The following CDH2 variants were observed in gnomAD, a reference collection of about 807,000 sequenced individuals.
The protein encoded by CDH2 is cadherin 2.
CDH2 carries 17 observed loss-of-function variants against 92.0 expected under a neutral mutation model. The observed-to-expected ratio is 0.18, with a 90% CI of 0.13 to 0.28. CDH2 has a LOEUF of 0.28. CDH2 is among the 10% of genes least tolerant of loss of function. CDH2 has a pLI of 1.00. For missense variants in CDH2, 862 were observed against 1,133.1 expected, an observed-to-expected ratio of 0.76 and a Z score of 3.44; for synonymous variants, 419 against 415.9, an observed-to-expected ratio of 1.01 and a Z score of -0.09.
At chr18:28,035,883 A>T (rs1192181885) in intron 2 of CDH2, among the ~76,000 whole-genome samples, 1 of 152,126 alleles carries the variant, frequency 6.6e-6, no homozygotes, top group Non-Finnish European at 1.5e-5. Flanking sequence ...CAAGGAAGAC[A>T]CACCTGTATC....
chr18:28,011,352 T>C (rs1345282416), intron 4 of CDH2, among the ~76,000 whole-genome samples: 1 of 152,132 alleles, frequency 6.6e-6, no homozygotes, highest in African/African-American at 2.4e-5. Flanking sequence ...TACACTGCCC[T>C]GGGGATTCTG....
chr18:27,957,322 C>T (rs1262455163), intron 15 of CDH2, among the ~76,000 whole-genome samples: 1 of 152,124 alleles, frequency 6.6e-6, no homozygotes, highest in Non-Finnish European at 1.5e-5. Context: ...AATCATGGCT[C>T]ACTGCAGCCT....
intron 2 of CDH2, among the ~76,000 whole-genome samples, chr18:28,136,785 G>A (rs866981090): frequency 1.5e-4 from 23 of 152,192 alleles, no homozygotes; most frequent in Middle Eastern, 3.4e-3. Context: ...GGAAATACAC[G>A]CTAAGACCAA....
intron 1 of CDH2, among the ~76,000 whole-genome samples, chr18:28,165,195 T>A (rs539488466): frequency 6.6e-6 from 1 of 152,322 alleles, no homozygotes; most frequent in East Asian, 1.9e-4. Context: ...ATTATTACTA[T>A]TATTAGAGAC....
Position 28,105,736 on chromosome 18 carries a change from C to T in CDH2, c.172+41937G>A, listed in dbSNP as rs148606002. Among the ~76,000 whole-genome samples, 1,390 of 152,266 alleles carry T rather than the reference C, an allele frequency of 9.1e-3. 20 individuals carry two copies. Among genetic ancestry groups the T allele is most frequent in the Non-Finnish European group, 0.014 (921 of 68,026 alleles). On this transcript the variant is annotated intron_variant, in intron 2 of 15. Coordinates refer to ENST00000269141, the MANE Select transcript of CDH2 (RefSeq NM_001792.5). ...TCAAATTCAGAAAAATATCCACCCA[C>T]ATCAATGTATAGTTCTTAATTTAAA...
chr18:28,163,491 T>C (rs2016335680), intron 1 of CDH2, among the ~76,000 whole-genome samples: 1 of 152,198 alleles, frequency 6.6e-6, no homozygotes, highest in African/African-American at 2.4e-5. Flanking sequence ...TTAAACAAGC[T>C]TTCTGGTGAT....
intron 14 of CDH2, among the ~76,000 whole-genome samples, chr18:27,982,564 G>A (rs925396203): frequency 6.6e-6 from 1 of 152,080 alleles, no homozygotes; most frequent in Admixed American, 6.5e-5. Context: ...TAAATACTTG[G>A]GGAATAAATA....
intron 6 of CDH2, among the ~76,000 whole-genome samples, chr18:28,004,456 C>A (rs2012856441): frequency 6.6e-6 from 1 of 152,158 alleles, no homozygotes; most frequent in South Asian, 2.1e-4. Flanking sequence ...AAGAAATATA[C>A]TCACAATATG....
At chr18:28,075,438 GA>G (rs2014701229) in intron 2 of CDH2, among the ~76,000 whole-genome samples, 1 of 152,138 alleles carries the variant, frequency 6.6e-6, no homozygotes, top group Non-Finnish European at 1.5e-5. Flanking sequence ...AGAGGCTTAA[GA>G]GTGCTCTGAA....
intron 1 of CDH2, among the ~76,000 whole-genome samples, chr18:28,173,584 T>C (rs553872561): frequency 6.7e-4 from 102 of 152,252 alleles, no homozygotes; most frequent in African/African-American, 2.3e-3. Context: ...GAAAAACACA[T>C]AAGGTTTATC....
At chr18:28,087,208 C>T (rs944938000) in intron 2 of CDH2, among the ~76,000 whole-genome samples, 3 of 152,072 alleles carry the variant, frequency 2.0e-5, no homozygotes, top group African/African-American at 7.2e-5. Context: ...ATACAAAAGG[C>T]AGGATGAAAG....
At chr18:28,007,165 AATATAT>A (rs1555632742) in intron 5 of CDH2, among the ~76,000 whole-genome samples, 4 of 110,502 alleles carry the variant, frequency 3.6e-5, no homozygotes, top group African/African-American at 1.3e-4. Context: ...ATAAAAAAAA[AATATAT>A]ATATATATAT....
chr18:27,977,803 A>G (rs1160155803), intron 14 of CDH2, among the ~76,000 whole-genome samples: 1 of 152,220 alleles, frequency 6.6e-6, no homozygotes, highest in East Asian at 1.9e-4. Flanking sequence ...TAAGACATGA[A>G]GCAGATCAGA....
intron 2 of CDH2, among the ~76,000 whole-genome samples, chr18:28,083,939 A>G (rs1205513643): frequency 6.6e-6 from 1 of 152,038 alleles, no homozygotes; most frequent in Admixed American, 6.6e-5. Flanking sequence ...AATGAGTTCT[A>G]CCTCTCTCTG....
Position 28,018,861 on chromosome 18 carries a change from T to C in CDH2, c.173-4952A>G, listed in dbSNP as rs1283668420. On this transcript the variant is annotated intron_variant, in intron 2 of 15. Coordinates refer to ENST00000269141, the MANE Select transcript of CDH2 (RefSeq NM_001792.5). The stretch of plus-strand genomic sequence containing the variant: ...AGAAGTCATTATATGAAAAAGATAC[T>C]TGCACACACGTTTATATATATATAT... 2.0e-5 allele frequency among the ~76,000 whole-genome samples: 3 copies of C among 146,814 alleles called. No individual in the cohort carries two copies. In the East Asian group the frequency reaches 6.0e-4, roughly 29 times the overall value.
At chr18:27,959,815 T>C (rs919788340) in intron 15 of CDH2, among the ~76,000 whole-genome samples, 6 of 152,194 alleles carry the variant, frequency 3.9e-5, no homozygotes, top group African/African-American at 1.4e-4. Context: ...ATTTGATTGC[T>C]CCTCTCCTTC....
chr18:28,103,780 C>T (rs529022455), intron 2 of CDH2, among the ~76,000 whole-genome samples: 16 of 152,050 alleles, frequency 1.1e-4, no homozygotes, highest in African/African-American at 3.1e-4. Context: ...TGTTAGTTTG[C>T]TCAGAATGAT....
chr18:28,013,275 A>C (rs1443203328), intron 3 of CDH2, among the ~76,000 whole-genome samples: 1 of 152,148 alleles, frequency 6.6e-6, no homozygotes, highest in African/African-American at 2.4e-5. Flanking sequence ...ACAAGACAAA[A>C]ACCCAATACT....
At chr18:27,965,990 GAAAAAAAAAAAAAAA>G (rs373927434) in intron 14 of CDH2, among the ~76,000 whole-genome samples, 1 of 58,660 alleles carries the variant, frequency 1.7e-5, no homozygotes, top group Non-Finnish European at 3.0e-5. Context: ...TGTCTAAAAG[GAAAAAAAAAAAAAAA>G]AAAAAAAAAA....
Sources: allele counts gnomAD v4.1 joint callset (sites outside exome capture counted in the v4.1 genomes callset), GRCh38; gene constraint gnomAD v4.1.1; transcripts MANE v1.5; gene names NCBI Gene and HGNC (gene_info 2026-07-23, HGNC 2026-07-21).